The following TXNDC16 variants were observed in gnomAD, a reference collection of about 807,000 sequenced individuals.
The protein encoded by TXNDC16 is thioredoxin domain-containing protein 16.
In TXNDC16, 74 loss-of-function variants were observed where a neutral mutation model predicts 85.6. The observed-to-expected ratio is 0.86, with a 90% CI of 0.72 to 1.05. The LOEUF is 1.05. Ranked by LOEUF, TXNDC16 falls within the 50% of genes least tolerant of loss-of-function variation. TXNDC16 has a pLI of 0.00. For missense variants in TXNDC16, 959 were observed against 947.0 expected (o/e 1.01, Z -0.17); for synonymous variants, 335 against 326.5 (o/e 1.03, Z -0.28).
At chr14:52,468,572 A>G (rs2035829162) in intron 16 of TXNDC16, among the ~76,000 whole-genome samples, 1 of 152,252 alleles carries the variant, frequency 6.6e-6, no homozygotes, top group Non-Finnish European at 1.5e-5. Flanking sequence ...GACAAACAGT[A>G]AAACTCCATT....
At chr14:52,474,063 G>A (rs1285738693) in intron 14 of TXNDC16, among the ~76,000 whole-genome samples, 1 of 152,150 alleles carries the variant, frequency 6.6e-6, no homozygotes, top group Non-Finnish European at 1.5e-5. Flanking sequence ...AAAGAACATA[G>A]TGAATGAAAA....
intron 9 of TXNDC16, among the ~76,000 whole-genome samples, chr14:52,492,868 A>G (rs2036440077): frequency 6.6e-6 from 1 of 152,138 alleles, no homozygotes. Flanking sequence ...ACATCTCTCA[A>G]GTCTCCCCCA....
At chr14:52,511,472 G>T in intron 8 of TXNDC16, 82 bp from the exon 9 acceptor site, 2 of 895,730 alleles carry the variant, frequency 2.2e-6, no homozygotes, top group Non-Finnish European at 3.2e-6. Flanking sequence ...AATGAATTTT[G>T]TCTTAAGTCT....
chr14:52,543,402 T>C lies in TXNDC16; in HGVS notation c.156A>G (p.Gln52=). ...PGKASLAYFC[Q]ADSPRTSVFL... is the part of the protein sequence containing the mutation. ...TAGAATTTTAAAAATACTTACCAGC[T>C]TGACAAAAATAAGCTAAAGAGGCTT... The change falls in exon 3 of 21, where the codon CAA becomes CAG. Residue 52 remains glutamine, a synonymous_variant. Coordinates refer to ENST00000281741, the MANE Select transcript of TXNDC16 (RefSeq NM_020784.3). 1 of 1,602,776 alleles carries C rather than the reference T, an allele frequency of 6.2e-7. No individual in the cohort carries two copies. Among genetic ancestry groups the C allele is most frequent in the African/African-American group, 1.3e-5 (1 of 74,136 alleles).
chr14:52,528,072 A>C (rs1244137278), intron 6 of TXNDC16, among the ~76,000 whole-genome samples: 1 of 152,154 alleles, frequency 6.6e-6, no homozygotes, highest in East Asian at 1.9e-4. Context: ...AGATCACCCT[A>C]AGTTTATACT....
intron 1 of TXNDC16, among the ~76,000 whole-genome samples, chr14:52,547,651 T>C (rs748390807): frequency 6.6e-6 from 1 of 152,188 alleles, no homozygotes; most frequent in African/African-American, 2.4e-5. Context: ...TTTTCCATTC[T>C]TCCTCTCTCC....
intron 19 of TXNDC16, among the ~76,000 whole-genome samples, chr14:52,440,193 T>C (rs1472454682): frequency 6.6e-6 from 1 of 152,208 alleles, no homozygotes; most frequent in East Asian, 1.9e-4. Flanking sequence ...CTAGGAAATA[T>C]TGCTGATGAA....
chr14:52,510,872 A>G (rs993638809), intron 9 of TXNDC16, among the ~76,000 whole-genome samples: 10 of 152,190 alleles, frequency 6.6e-5, no homozygotes, highest in Non-Finnish European at 1.5e-4. Context: ...CATTCATAAA[A>G]GAGGTCTTTT....
At chr14:52,532,627 AG>A (rs1184818103) in intron 6 of TXNDC16, among the ~76,000 whole-genome samples, 1 of 151,926 alleles carries the variant, frequency 6.6e-6, no homozygotes, top group Non-Finnish European at 1.5e-5. Flanking sequence ...TAGTAGAGAC[AG>A]GGTTTCACCG....
intron 12 of TXNDC16, among the ~76,000 whole-genome samples, chr14:52,485,730 G>C (rs981669873): frequency 6.6e-5 from 10 of 152,198 alleles, no homozygotes; most frequent in Admixed American, 5.9e-4. Context: ...TGGCCTAGGA[G>C]CAATAGGATA....
intron 9 of TXNDC16, among the ~76,000 whole-genome samples, chr14:52,504,988 T>C (rs944987177): frequency 7.2e-5 from 11 of 152,126 alleles, no homozygotes; most frequent in Non-Finnish European, 5.9e-5. Context: ...CATTACATAA[T>C]GGTAAAGGTA....
chr14:52,511,176 CACAT>C (rs1280920397), intron 9 of TXNDC16, 60 bp downstream of exon 9: 1 of 1,328,534 alleles, frequency 7.5e-7, no homozygotes, highest in African/African-American at 1.5e-5. Flanking sequence ...TAAAATAAGA[CACAT>C]ACCTTTTGCA....
intron 6 of TXNDC16, among the ~76,000 whole-genome samples, chr14:52,520,643 T>TA (rs1210511326): frequency 6.6e-6 from 1 of 151,962 alleles, no homozygotes; most frequent in African/African-American, 2.4e-5. Flanking sequence ...TAAAAATAAA[T>TA]AAAGTTGTCT....
chr14:52,532,144 G>T (rs898342439), intron 6 of TXNDC16, among the ~76,000 whole-genome samples: 1 of 150,534 alleles, frequency 6.6e-6, no homozygotes, highest in African/African-American at 2.4e-5. Context: ...AAAGACAAAT[G>T]AAAAACTTGA....
chr14:52,515,046 T>C (rs2037049688), intron 7 of TXNDC16, 76 bp from the exon 8 acceptor site: 1 of 1,079,472 alleles, frequency 9.3e-7, no homozygotes. Flanking sequence ...CTATTCTGAA[T>C]ATTATCCTAC....
intron 9 of TXNDC16, among the ~76,000 whole-genome samples, chr14:52,506,030 T>C (rs1203656046): frequency 6.6e-6 from 1 of 152,142 alleles, no homozygotes; most frequent in Admixed American, 6.5e-5. Context: ...CAGGAAGAAG[T>C]TGAATCTCTG....
intron 1 of TXNDC16, among the ~76,000 whole-genome samples, chr14:52,551,778 G>A (rs1419825467): frequency 7.1e-6 from 1 of 141,366 alleles, no homozygotes; most frequent in Non-Finnish European, 1.5e-5. Flanking sequence ...CAGGAATAGC[G>A]CCACCATCTA....
chr14:52,474,925 C>T (rs2035987196), intron 14 of TXNDC16, among the ~76,000 whole-genome samples: 1 of 152,160 alleles, frequency 6.6e-6, no homozygotes, highest in South Asian at 2.1e-4. Context: ...AAAGAACCCA[C>T]AGACCCTCTG....
At chr14:52,544,430 G>T (rs760896732) in intron 1 of TXNDC16, 59 bp from the exon 2 acceptor site, 14 of 152,144 alleles carry the variant, frequency 9.2e-5, no homozygotes, top group South Asian at 6.2e-4. Context: ...AGTCATAGCT[G>T]TAGGTGAAAA....
Sources: allele counts gnomAD v4.1 joint callset (sites outside exome capture counted in the v4.1 genomes callset), GRCh38; gene constraint gnomAD v4.1.1; transcripts MANE v1.5; gene names NCBI Gene and HGNC (gene_info 2026-07-23, HGNC 2026-07-21).